DGAT2: variants seen among roughly 807,000 people sequenced by gnomAD.
DGAT2 encodes the protein acyl-CoA retinol O-fatty-acyltransferase.
DGAT2 carries 33 observed loss-of-function variants against 48.4 expected under a neutral mutation model. The observed-to-expected ratio is 0.68, with a 90% CI of 0.52 to 0.91. DGAT2 has a LOEUF of 0.91. Ranked by LOEUF, DGAT2 falls within the 40% of genes least tolerant of loss-of-function variation. DGAT2 has a pLI of 0.00. For synonymous variants in DGAT2, 191 were observed against 194.1 expected (o/e 0.98, Z 0.13); for missense variants, 446 against 493.7 (o/e 0.90, Z 0.92).
intron 1 of DGAT2, among the ~76,000 whole-genome samples, chr11:75,780,436 A>G (rs538788698): frequency 6.6e-6 from 1 of 152,278 alleles, no homozygotes; most frequent in East Asian, 1.9e-4. Flanking sequence ...GGTGGGTGCC[A>G]GAGATCACAG....
chr11:75,780,495 G>C (rs909710535), intron 1 of DGAT2, among the ~76,000 whole-genome samples: 9 of 152,290 alleles, frequency 5.9e-5, no homozygotes, highest in African/African-American at 1.9e-4. Context: ...CTGAAGCCCA[G>C]AGAGGTGAGG....
At chr11:75,785,173 C>A (rs976133957) in intron 2 of DGAT2, among the ~76,000 whole-genome samples, 2 of 152,310 alleles carry the variant, frequency 1.3e-5, no homozygotes, top group African/African-American at 4.8e-5. Context: ...TCCTGAATCT[C>A]CTGCAGACAA....
chr11:75,779,597 C>T lies in DGAT2; in HGVS notation c.122-5021C>T, dbSNP rs78474312. On this transcript the variant is annotated intron_variant, in intron 1 of 7. Coordinates refer to ENST00000228027, the MANE Select transcript of DGAT2 (RefSeq NM_032564.5). ...CGGGTGGTAAAAGAGCTGCTCTGGG[C>T]CTCTCTGGCAGCTCTACTCCCTCTG... 9.9e-3 allele frequency among the ~76,000 whole-genome samples: 1,508 copies of T among 152,188 alleles called. 27 individuals carry two copies. Among genetic ancestry groups the T allele is most frequent in the African/African-American group, 0.035 (1,453 of 41,524 alleles).
chr11:75,791,960 A>G (rs1944993992), intron 4 of DGAT2, among the ~76,000 whole-genome samples: 1 of 152,204 alleles, frequency 6.6e-6, no homozygotes, highest in Admixed American at 6.5e-5. Context: ...TGTCTGTATG[A>G]TGAAAAGTAA....
chr11:75,792,888 T>G (rs1190064825), intron 4 of DGAT2: 1 of 152,276 alleles, frequency 6.6e-6, no homozygotes, highest in African/African-American at 2.4e-5. Context: ...AGGACTAGTG[T>G]AGGAACCAGG....
At chr11:75,789,407 C>G (rs537436003) in intron 2 of DGAT2, among the ~76,000 whole-genome samples, 21 of 152,294 alleles carry the variant, frequency 1.4e-4, no homozygotes, top group African/African-American at 5.1e-4. Flanking sequence ...ACCTCAGCTT[C>G]CCAAAGTGCT....
intron 5 of DGAT2, 136 bp downstream of exon 5, chr11:75,796,668 G>T: frequency 1.2e-6 from 1 of 860,176 alleles, no homozygotes. Context: ...ACCTGCTTCA[G>T]ACATGGTGGG....
At chr11:75,778,914 A>C (rs1003440294) in intron 1 of DGAT2, among the ~76,000 whole-genome samples, 2 of 152,166 alleles carry the variant, frequency 1.3e-5, no homozygotes, top group Non-Finnish European at 2.9e-5. Flanking sequence ...TATAGATAAG[A>C]AAACCAAAGC....
chr11:75,770,343 C>G (rs760005658), intron 1 of DGAT2, among the ~76,000 whole-genome samples: 2 of 152,070 alleles, frequency 1.3e-5, no homozygotes, highest in Non-Finnish European at 2.9e-5. Context: ...ATCTGCCCCT[C>G]TTGGTGTGGG....
chr11:75,781,519 T>G (rs2135765142), intron 1 of DGAT2, among the ~76,000 whole-genome samples: 1 of 152,322 alleles, frequency 6.6e-6, no homozygotes, highest in East Asian at 1.9e-4. Flanking sequence ...TCCTCCCAGC[T>G]TCCCTCTCCA....
intron 2 of DGAT2, among the ~76,000 whole-genome samples, chr11:75,789,103 A>G (rs1280951964): frequency 2.0e-5 from 3 of 151,454 alleles, no homozygotes; most frequent in African/African-American, 7.3e-5. Context: ...CATGGTGACC[A>G]GTGGAAGCCA....
chr11:75,769,440 G>A (rs1182750739), intron 1 of DGAT2, among the ~76,000 whole-genome samples: 1 of 152,086 alleles, frequency 6.6e-6, no homozygotes, highest in East Asian at 1.9e-4. Context: ...GACTGGATGG[G>A]CAGGATGGTA....
intron 2 of DGAT2, among the ~76,000 whole-genome samples, chr11:75,789,161 T>A (rs1331861296): frequency 2.0e-5 from 3 of 151,818 alleles, no homozygotes; most frequent in African/African-American, 4.8e-5. Flanking sequence ...TTTTTTTTTT[T>A]ACTTTTGAGA....
rs1359950186 is a variant in DGAT2, at chr11:75,798,263, T to G, written c.846T>G (p.Asn282Lys). 2.5e-6 allele frequency: 4 copies of G among 1,614,032 alleles called. No individual in the cohort carries two copies. ...DLVPIYSFGE[N>K]EVYKQVIFEE... ...TTCCCATCTACTCCTTTGGAGAGAA[T>G]GAAGTGTACAAGCAGGTGATCTTCG... Residue 282 changes from asparagine (N) to lysine (K), a missense_variant, in exon 7 of 8, where the codon AAT becomes AAG. Transcript: ENST00000228027.
intron 4 of DGAT2, among the ~76,000 whole-genome samples, chr11:75,791,681 G>C (rs1403535222): frequency 6.6e-6 from 1 of 152,144 alleles, no homozygotes; most frequent in Non-Finnish European, 1.5e-5. Flanking sequence ...TCAATCCCTG[G>C]ATTTCCCCAT....
At position 75,798,335 on chromosome 11, in the gene DGAT2, C is replaced by T; in HGVS notation, c.918C>T (p.Tyr306=). 5 of 1,614,198 alleles carry T rather than the reference C, an allele frequency of 3.1e-6. No homozygotes were observed. The highest frequency in any genetic ancestry group is 4.2e-6 in the Non-Finnish European group (5 of 1,180,030). ...GGGTCCAGAAGAAGTTCCAGAAATA[C>T]ATTGGTTTCGCCCCATGCATCTTCC... ...GRWVQKKFQK[Y]IGFAPCIFHG... is the part of the protein sequence containing the mutation. The change falls in exon 7 of 8, where the codon TAC becomes TAT. Residue 306 remains tyrosine, a synonymous_variant. Transcript: ENST00000228027.
chr11:75,772,461 C>T (rs1944768076), intron 1 of DGAT2, among the ~76,000 whole-genome samples: 1 of 152,160 alleles, frequency 6.6e-6, no homozygotes, highest in Admixed American at 6.5e-5. Context: ...TTCAGTCTTA[C>T]CTCAGCGCCT....
chr11:75,797,653 G>T (rs181762192), intron 6 of DGAT2, among the ~76,000 whole-genome samples: 1 of 152,346 alleles, frequency 6.6e-6, no homozygotes, highest in Non-Finnish European at 1.5e-5. Flanking sequence ...AGGAAGGAGG[G>T]TGGTGTGGAA....
rs542857397 is a variant in DGAT2, at chr11:75,768,943, G to A, written c.-49G>A. 70 of 1,423,122 alleles carry A rather than the reference G, an allele frequency of 4.9e-5. 2 individuals are homozygous for A. The South Asian group carries it at 9.1e-4, about 19-fold the overall frequency. The allele number at this position is 1,423,122 out of a possible 1,614,324, so 88.2% of individuals were successfully genotyped here. A position where few individuals can be genotyped will look rare whatever the true frequency, so the allele number is the denominator to read the frequency against. ...GGGGGCCGGGGCATGGGCCAGGGGC[G>A]CGGGGTGAAGCGGCTTCCCGCGGGG... On this transcript the variant is annotated 5_prime_UTR_variant, in exon 1 of 8. Coordinates refer to ENST00000228027, the MANE Select transcript of DGAT2 (RefSeq NM_032564.5).
Sources: gnomAD v4.1 joint callset for allele counts (sites outside exome capture counted in the v4.1 genomes callset) on GRCh38, gnomAD v4.1.1 for gene constraint, MANE v1.5 for transcripts, NCBI Gene and HGNC (gene_info 2026-07-23, HGNC 2026-07-21) for gene names.